Variants in VAV2 observed in about 807,000 individuals in gnomAD.
VAV2 encodes the protein guanine nucleotide exchange factor VAV2.
VAV2 carries 67 observed loss-of-function variants against 132.5 expected under a neutral mutation model. That is an observed-to-expected ratio of 0.51 (90% CI 0.42 to 0.62). VAV2 has a LOEUF of 0.62. Ranked by LOEUF, VAV2 falls within the 20% of genes least tolerant of loss-of-function variation. The pLI is 0.00. For synonymous variants in VAV2, 492 were observed against 443.5 expected, an observed-to-expected ratio of 1.11 and a Z score of -1.37; for missense variants, 938 against 1,153.6, an observed-to-expected ratio of 0.81 and a Z score of 2.71.
chr9:133,807,786 C>T (rs1394728760), intron 7 of VAV2, among the ~76,000 whole-genome samples: 1 of 152,234 alleles, frequency 6.6e-6, no homozygotes, highest in East Asian at 1.9e-4. Context: ...GCTCTCCACC[C>T]CGAGGAGTGC....
chr9:133,948,234 T>G (rs1233742261), intron 1 of VAV2, among the ~76,000 whole-genome samples: 1 of 152,246 alleles, frequency 6.6e-6, no homozygotes, highest in Non-Finnish European at 1.5e-5. Flanking sequence ...TGATTTTGTC[T>G]GGACAATTGA....
chr9:133,797,868 C>G, intron 9 of VAV2, 59 bp from the exon 10 acceptor site: 2 of 1,519,356 alleles, frequency 1.3e-6, no homozygotes, highest in Non-Finnish European at 1.8e-6. Flanking sequence ...CTCGGGGCTG[C>G]AGTGAGCCCG....
chr9:133,873,599 A>G (rs1243157609), intron 2 of VAV2, among the ~76,000 whole-genome samples: 1 of 152,130 alleles, frequency 6.6e-6, no homozygotes, highest in Non-Finnish European at 1.5e-5. Flanking sequence ...CTGACTGCCC[A>G]CTGTTCCTAA....
At chr9:133,785,590 A>C (rs924525237) in intron 17 of VAV2, among the ~76,000 whole-genome samples, 186 bp downstream of exon 17, 1 of 152,150 alleles carries the variant, frequency 6.6e-6, no homozygotes, top group African/African-American at 2.4e-5. Context: ...ACTGATTGTT[A>C]AAGAGGATGT....
intron 24 of VAV2, among the ~76,000 whole-genome samples, chr9:133,775,482 T>C (rs1833780708): frequency 6.6e-6 from 1 of 152,168 alleles, no homozygotes; most frequent in African/African-American, 2.4e-5. Flanking sequence ...GGTAACACAT[T>C]GGAGATTGCC....
rs558528925 is a variant in VAV2 at position 133,982,391 on chromosome 9, G to A, written c.204+9684C>T. ...AAGAGGGGCACCTGGGACGGGGCACGGCCAACCAGGCTGGCAGGGCAGGAG... is the reference window on the plus strand; with the variant it reads ...AAGAGGGGCACCTGGGACGGGGCACAGCCAACCAGGCTGGCAGGGCAGGAG... On this transcript the variant is annotated intron_variant, in intron 1 of 29. Coordinates refer to ENST00000371850, the MANE Select transcript of VAV2 (RefSeq NM_001134398.2). 5.3e-5 allele frequency among the ~76,000 whole-genome samples: 8 copies of A among 152,056 alleles called. No homozygotes were observed. In the East Asian group the frequency reaches 1.4e-3, roughly 26 times the overall value.
At chr9:133,859,024 G>A (rs1321449039) in intron 3 of VAV2, among the ~76,000 whole-genome samples, 3 of 152,246 alleles carry the variant, frequency 2.0e-5, no homozygotes, top group Admixed American at 6.5e-5. Flanking sequence ...ATCCTGGGAG[G>A]AGCGGCAGCG....
intron 1 of VAV2, among the ~76,000 whole-genome samples, chr9:133,941,068 T>C (rs1736958581): frequency 6.6e-6 from 1 of 151,994 alleles, no homozygotes; most frequent in South Asian, 2.1e-4. Context: ...CCATCTACCG[T>C]CCAATAGGGC....
intron 1 of VAV2, among the ~76,000 whole-genome samples, chr9:133,984,646 C>T (rs780386215): frequency 8.2e-5 from 12 of 146,004 alleles, no homozygotes; most frequent in Non-Finnish European, 1.1e-4. Flanking sequence ...ATTTCTTCAT[C>T]CCCAAAGATT....
chr9:133,871,470 ATGGATGGATGGATGGATGGATG>A (rs1838048269), intron 2 of VAV2, among the ~76,000 whole-genome samples: 1 of 45,938 alleles, frequency 2.2e-5, no homozygotes, highest in African/African-American at 5.5e-5. Context: ...GGAGAAGCGG[ATGGATGGATGGATGGATGGATG>A]GATGGATGGA....
intron 1 of VAV2, among the ~76,000 whole-genome samples, chr9:133,957,970 C>A (rs1009548256): frequency 6.8e-6 from 1 of 147,976 alleles, no homozygotes; most frequent in Non-Finnish European, 1.5e-5. Flanking sequence ...AAGGGCGGTG[C>A]AGGATGTGCT....
intron 2 of VAV2, among the ~76,000 whole-genome samples, chr9:133,910,702 T>C (rs1392907947): frequency 6.7e-6 from 1 of 149,958 alleles, no homozygotes; most frequent in Non-Finnish European, 1.5e-5. Flanking sequence ...CGGGCGCCTG[T>C]AGTCCCAGCT....
rs1319295508 is a variant in VAV2 at position 133,788,303 on chromosome 9, C to T, written c.1407+51G>A. On this transcript the variant is annotated intron_variant, in intron 15 of 29. Coordinates refer to ENST00000371850, the MANE Select transcript of VAV2 (RefSeq NM_001134398.2). This position sits in a 1 kb window ranked among gnomAD's most constrained non-coding sequence, Gnocchi z 5.3. Reference sequence around the variant, plus strand: ...GGGGTCTGGAACCCAGTGCCTCTCTCCAGGCCACCCCCACGTTCCTGGGTA... The same window carrying T: ...GGGGTCTGGAACCCAGTGCCTCTCTTCAGGCCACCCCCACGTTCCTGGGTA... 6.8e-7 allele frequency: 1 copy of T among 1,476,396 alleles called. No individual in the cohort carries two copies. The highest frequency in any genetic ancestry group is 2.9e-5 in the East Asian group (1 of 34,832). 91.5% of individuals were successfully genotyped at this position (1,476,396 alleles called of 1,614,324 possible).
At chr9:133,807,811 G>A (rs902814531) in intron 7 of VAV2, among the ~76,000 whole-genome samples, 8 of 152,188 alleles carry the variant, frequency 5.3e-5, no homozygotes, top group Non-Finnish European at 8.8e-5. Context: ...GGTGGGGCAG[G>A]CTGTGGACGA....
chr9:133,988,931 G>C (rs925608312), intron 1 of VAV2, among the ~76,000 whole-genome samples: 1 of 152,050 alleles, frequency 6.6e-6, no homozygotes, highest in Non-Finnish European at 1.5e-5. Context: ...CTGGGCGTGG[G>C]CCAGGCACGG....
At chr9:133,821,824 G>A (rs139473930) in intron 4 of VAV2, among the ~76,000 whole-genome samples, 143 of 152,268 alleles carry the variant, frequency 9.4e-4, no homozygotes, top group Admixed American at 3.9e-3. Context: ...GGGCCTCCAC[G>A]GCCAGACCTG....
At chr9:133,966,214 T>A (rs1490678462) in intron 1 of VAV2, among the ~76,000 whole-genome samples, 1 of 152,206 alleles carries the variant, frequency 6.6e-6, no homozygotes, top group Non-Finnish European at 1.5e-5. Context: ...TTCCGGACAT[T>A]GGTCTGGGCA....
At chr9:133,944,839 T>C (rs954457820) in intron 1 of VAV2, among the ~76,000 whole-genome samples, 2 of 152,204 alleles carry the variant, frequency 1.3e-5, no homozygotes, top group Non-Finnish European at 2.9e-5. Context: ...CTGACCTTTA[T>C]GGGAGGTGAC....
chr9:133,861,092 T>A (rs1437954038), intron 3 of VAV2: 2 of 387,862 alleles, frequency 5.2e-6, no homozygotes, highest in Non-Finnish European at 9.4e-6. Flanking sequence ...TAGGCAATGA[T>A]CTGTGAAAGG....
Sources: allele counts gnomAD v4.1 joint callset (sites outside exome capture counted in the v4.1 genomes callset), GRCh38; gene constraint gnomAD v4.1.1; non-coding constraint Gnocchi (gnomAD v3.1); transcripts MANE v1.5; gene names NCBI Gene and HGNC (gene_info 2026-07-23, HGNC 2026-07-21).